The following CAND2 variants were observed in gnomAD, a reference collection of about 807,000 sequenced individuals.
The protein encoded by CAND2 is cullin-associated NEDD8-dissociated protein 2.
Under a neutral mutation model 98.9 loss-of-function variants are expected in CAND2, and 62 were observed. The observed-to-expected ratio is 0.63, with a 90% confidence interval of 0.51 to 0.77. The LOEUF (loss-of-function observed/expected upper bound fraction) is 0.77, where lower values mean the gene tolerates loss of function less well. Among genes scored for constraint, CAND2 ranks in the 30% least tolerant of loss-of-function variants. The probability of loss-of-function intolerance (pLI) is 0.00; values close to 1 mark genes in which losing one functional copy is unlikely to be tolerated. For synonymous variants in CAND2, 770 were observed against 731.9 expected, an observed-to-expected ratio of 1.05 and a Z score of -0.84; for missense variants, 1,501 against 1,655.2, an observed-to-expected ratio of 0.91 and a Z score of 1.62.
intron 1 of CAND2, among the ~76,000 whole-genome samples, chr3:12,802,216 A>G (rs2124834189): frequency 6.6e-6 from 1 of 152,288 alleles, no homozygotes; most frequent in South Asian, 2.1e-4. Context: ...AGTCCCAGCT[A>G]CTCGGGAGGC....
Position 12,800,737 on chromosome 3 carries a change from GT to G in CAND2, c.69-2742del, listed in dbSNP as rs538723882. 2.0e-5 allele frequency among the ~76,000 whole-genome samples: 3 copies of G among 151,122 alleles called. No homozygotes were observed. In the South Asian group the frequency reaches 6.3e-4, roughly 32 times the overall value. ...GTGTTTTGTTTTTGTTTTTGTTTTT[GT>G]TTTTTTTTGAGTCTCACTCTGTCAC... On this transcript the variant is annotated intron_variant, in intron 1 of 14. Transcript: ENST00000456430.
In CAND2 at chr3:12,834,543, AGGGAGGAGGAATGGGTT is replaced by A. The variant is rs2062083718; in HGVS notation, c.*565_*581del. 6.5e-6 allele frequency: 1 copy of A among 154,626 alleles called. No individual in the cohort carries two copies. The highest frequency in any genetic ancestry group is 2.0e-4 in the South Asian group (1 of 5,022). 9.6% of individuals were successfully genotyped at this position (154,626 alleles called of 1,614,324 possible). ...AAGATGATACGGGTTTCTTTTTTCCAGGGAGGAGGAATGGGTTGGGTAGGGAACTGGACAGGCTTGGA... is the reference window on the plus strand; with the variant it reads ...AAGATGATACGGGTTTCTTTTTTCCAGGGTAGGGAACTGGACAGGCTTGGA... On this transcript the variant is annotated 3_prime_UTR_variant, in exon 15 of 15. Transcript: ENST00000456430.
At chr3:12,821,369 T>C (rs879819572) in intron 11 of CAND2, among the ~76,000 whole-genome samples, 1 of 152,094 alleles carries the variant, frequency 6.6e-6, no homozygotes, top group Non-Finnish European at 1.5e-5. Flanking sequence ...CATTGCACTC[T>C]AATCTGGGCA....
intron 12 of CAND2, among the ~76,000 whole-genome samples, chr3:12,827,195 C>CACAGTGCCTGCCACTCAG (rs1289429492): frequency 2.0e-5 from 3 of 152,184 alleles, no homozygotes; most frequent in African/African-American, 7.2e-5. Context: ...AAGCAGTCAG[C>CACAGTGCCTGCCACTCAG]ACAGTGCCTG....
At chr3:12,802,903 T>C (rs897551548) in intron 1 of CAND2, among the ~76,000 whole-genome samples, 1 of 152,048 alleles carries the variant, frequency 6.6e-6, no homozygotes, top group Admixed American at 6.6e-5. Flanking sequence ...GTGGTATTTG[T>C]GTGTCTAAAC....
intron 5 of CAND2, among the ~76,000 whole-genome samples, chr3:12,811,441 C>T (rs1377762917): frequency 6.6e-6 from 1 of 152,184 alleles, no homozygotes; most frequent in African/African-American, 2.4e-5. Context: ...TCTATTAGGG[C>T]AGTACCTGCC....
In CAND2 at chr3:12,815,877, T is replaced by A. The variant is rs752226246; in HGVS notation, c.1310T>A (p.Val437Glu). The A allele has an allele frequency of 1.9e-6, 3 of 1,613,198 alleles. No homozygotes were observed. The South Asian group carries it at 3.3e-5, about 18-fold the overall frequency. Residue 437 changes from valine to glutamate, a missense_variant, in exon 9 of 15, where the codon GTG becomes GAG. Val to Glu is a moderately radical substitution (Grantham distance 121). Coordinates refer to ENST00000456430, the MANE Select transcript of CAND2 (RefSeq NM_001162499.2). The surrounding 1 kb of genome is among the most constrained non-coding windows in gnomAD (Gnocchi z 5.7). ...LHMLRGQVPLVVKALQRQLKD... is the reference protein window; with the variant it reads ...LHMLRGQVPLEVKALQRQLKD... ...CCCTCCTGCCCACAGGTGCCCCTTG[T>A]GGTCAAGGCCCTGCAGCGGCAGCTT...
At chr3:12,818,578 T>C (rs1339234548) in intron 10 of CAND2, among the ~76,000 whole-genome samples, 2 of 152,246 alleles carry the variant, frequency 1.3e-5, no homozygotes, top group African/African-American at 4.8e-5. Flanking sequence ...GGTAGGGTCA[T>C]CAGGCTCCTA....
intron 13 of CAND2, 99 bp from the exon 14 acceptor site, chr3:12,831,366 T>C: frequency 1.1e-6 from 1 of 902,556 alleles, no homozygotes; most frequent in South Asian, 1.4e-5. Context: ...GAACTTGGGC[T>C]TCAGGTTTCA....
intron 7 of CAND2, among the ~76,000 whole-genome samples, chr3:12,813,618 A>C (rs912992451): frequency 6.6e-6 from 1 of 152,230 alleles, no homozygotes; most frequent in African/African-American, 2.4e-5. Context: ...CCCTAAAAAA[A>C]CAGAAATTAT....
intron 12 of CAND2, among the ~76,000 whole-genome samples, 167 bp downstream of exon 12, chr3:12,825,806 CCTCT>C (rs1373232785): frequency 1.3e-5 from 2 of 152,340 alleles, no homozygotes; most frequent in East Asian, 1.9e-4. Context: ...GCAACCTGAT[CCTCT>C]CTGAGCCTCA....
chr3:12,817,989 C>A, intron 10 of CAND2, 113 bp downstream of exon 10: 3 of 995,490 alleles, frequency 3.0e-6, no homozygotes, highest in Middle Eastern at 2.5e-4. Context: ...ATACAAGAAT[C>A]ACGGTATCTA....
chr3:12,801,036 T>G (rs1263308147), intron 1 of CAND2, among the ~76,000 whole-genome samples: 1 of 104,322 alleles, frequency 9.6e-6, no homozygotes, highest in African/African-American at 8.4e-5. Context: ...AAATCAGTAT[T>G]TTTTTTTTTT....
At position 12,827,504 on chromosome 3, in the gene CAND2, A is replaced by G. The variant is rs1356037306; in HGVS notation, c.3275A>G (p.Glu1092Gly). The G allele has an allele frequency of 6.2e-7, 1 of 1,614,050 alleles. No individual in the cohort carries two copies. Among genetic ancestry groups the G allele is most frequent in the Admixed American group, 1.7e-5 (1 of 60,000 alleles). ...DGLDVRKAAF[E>G]CMYSLLESCL... is the part of the protein sequence containing the mutation. ...CTGGACGTGCGGAAGGCGGCCTTTG[A>G]ATGCATGTATTCACTGCTTGAGAGC... is the stretch of plus-strand genomic sequence containing the variant. The change falls in exon 13 of 15, where the codon GAA (glutamate) becomes GGA (glycine). Residue 1092 changes from glutamate (E) to glycine (G), a missense_variant. By Grantham distance (98) the Glu-to-Gly change is moderately conservative. This residue lies in a region of CAND2 where 1,427 missense variants were observed against 1,545.3 expected (regional missense o/e 0.92). Coordinates refer to ENST00000456430, the MANE Select transcript of CAND2 (RefSeq NM_001162499.2).
rs76949366 is a variant in CAND2, at chr3:12,831,130, T to C, written c.3376-335T>C. Among the ~76,000 whole-genome samples, 161 of 152,264 alleles carry C rather than the reference T, an allele frequency of 1.1e-3. 1 individual carries two copies. In the East Asian group the frequency reaches 0.027, roughly 26 times the overall value. Reference sequence around the variant, plus strand: ...AATCCAGTGGCCCCAAGCTACATGTTTGCACTCCCACCTGGCCACACTCAG... The same window carrying C: ...AATCCAGTGGCCCCAAGCTACATGTCTGCACTCCCACCTGGCCACACTCAG... On this transcript the variant is annotated intron_variant, in intron 13 of 14. Coordinates refer to ENST00000456430, the MANE Select transcript of CAND2 (RefSeq NM_001162499.2).
chr3:12,821,983 C>T (rs1279046720), intron 11 of CAND2, among the ~76,000 whole-genome samples: 1 of 152,070 alleles, frequency 6.6e-6, no homozygotes, highest in African/African-American at 2.4e-5. Flanking sequence ...ATGTAAACAT[C>T]CTTGTTCTCA....
At chr3:12,827,062 A>C (rs1275175563) in intron 12 of CAND2, among the ~76,000 whole-genome samples, 1 of 151,788 alleles carries the variant, frequency 6.6e-6, no homozygotes. Flanking sequence ...CAATCTCCTG[A>C]CTTCATGATC....
rs1251615958 is a variant in CAND2, at chr3:12,817,298, C to G, written c.2366C>G (p.Ala789Gly). The G allele has an allele frequency of 1.9e-6, 3 of 1,613,988 alleles. No individual in the cohort carries two copies. In the Admixed American group the frequency reaches 5.0e-5, roughly 27 times the overall value. ...SLLTAPVYEQ[A>G]VDGGPGLHKQ... ...CTCACTGCGCCTGTTTATGAGCAGG[C>G]TGTGGATGGTGGGCCTGGCCTGCAC... Residue 789 changes from alanine (A) to glycine (G), a missense_variant, in exon 10 of 15, where the codon GCT becomes GGT. By Grantham distance (60) the Ala-to-Gly change is moderately conservative. Coordinates refer to ENST00000456430, the MANE Select transcript of CAND2 (RefSeq NM_001162499.2).
chr3:12,810,073 T>A lies in CAND2; in HGVS notation c.506T>A (p.Leu169Gln). Residue 169 changes from leucine (L) to glutamine (Q), a missense_variant, in exon 5 of 15, where the codon CTG becomes CAG. Around this residue, in one of 3 missense-constraint regions of CAND2, gnomAD observed 1,427 missense variants for 1,545.3 expected, o/e 0.92. Coordinates refer to ENST00000456430, the MANE Select transcript of CAND2 (RefSeq NM_001162499.2). ...GTGCTCCCCAGGCTGGGTGTCCCGC[T>A]GGGCGCCTTCCACGCCAGCCTCCTG... ...SDMLSRLGVP[L>Q]GAFHASLLHC... 1.4e-6 allele frequency: 2 copies of A among 1,431,046 alleles called. No individual in the cohort carries two copies. The highest frequency in any genetic ancestry group is 1.8e-6 in the Non-Finnish European group (2 of 1,092,924). 88.6% of individuals were successfully genotyped at this position (1,431,046 alleles called of 1,614,324 possible). A position where few individuals can be genotyped will look rare whatever the true frequency, so the allele number is the denominator to read the frequency against.
Sources: allele counts gnomAD v4.1 joint callset (sites outside exome capture counted in the v4.1 genomes callset), GRCh38; gene constraint gnomAD v4.1.1; regional missense constraint gnomAD v4.1.1; non-coding constraint Gnocchi (gnomAD v3.1); transcripts MANE v1.5; gene names NCBI Gene and HGNC (gene_info 2026-07-23, HGNC 2026-07-21).